Variants in KCNIP4 observed in about 807,000 individuals in gnomAD.
The protein encoded by KCNIP4 is Kv channel-interacting protein 4.
A neutral mutation model predicts 34.0 loss-of-function variants in KCNIP4; 12 were observed. That is an observed-to-expected ratio of 0.35 (90% CI 0.23 to 0.57). The LOEUF (loss-of-function observed/expected upper bound fraction) is 0.57. KCNIP4 is among the 20% of genes least tolerant of loss of function. KCNIP4 has a pLI of 0.83. For missense variants in KCNIP4, 238 were observed against 311.7 expected (o/e 0.76, Z 1.78); for synonymous variants, 124 against 102.2 (o/e 1.21, Z -1.29).
chr4:21,552,701 G>C (rs934694667), intron 1 of KCNIP4, among the ~76,000 whole-genome samples: 4 of 152,086 alleles, frequency 2.6e-5, no homozygotes, highest in Non-Finnish European at 5.9e-5. Flanking sequence ...TCACAGCAAA[G>C]CATATTTTTT....
At chr4:21,662,089 G>T (rs929466190) in intron 1 of KCNIP4, among the ~76,000 whole-genome samples, 3 of 152,092 alleles carry the variant, frequency 2.0e-5, no homozygotes, top group Non-Finnish European at 2.9e-5. Flanking sequence ...GGACAAAGGG[G>T]TATTTGCTTG....
At chr4:21,345,256 G>A (rs930151208) in intron 1 of KCNIP4, among the ~76,000 whole-genome samples, 1 of 152,038 alleles carries the variant, frequency 6.6e-6, no homozygotes, top group African/African-American at 2.4e-5. Flanking sequence ...TGAGGAACTG[G>A]GGTCGGTCCA....
At chr4:21,002,590 G>C (rs1738236575) in intron 1 of KCNIP4, among the ~76,000 whole-genome samples, 1 of 152,194 alleles carries the variant, frequency 6.6e-6, no homozygotes, top group African/African-American at 2.4e-5. Context: ...CAGCAATGCT[G>C]TTCGAAGTGT....
intron 1 of KCNIP4, among the ~76,000 whole-genome samples, chr4:20,953,270 G>C (rs913999290): frequency 6.6e-6 from 1 of 152,116 alleles, no homozygotes; most frequent in Non-Finnish European, 1.5e-5. Context: ...GAGTGGCTTC[G>C]TCACTGATTG....
intron 1 of KCNIP4, among the ~76,000 whole-genome samples, chr4:21,201,758 A>G (rs1343993896): frequency 6.6e-6 from 1 of 152,198 alleles, no homozygotes; most frequent in East Asian, 1.9e-4. Context: ...TTGGCCTCCC[A>G]AAATGCTGGG....
At chr4:21,455,832 TA>T (rs1560422934) in intron 1 of KCNIP4, among the ~76,000 whole-genome samples, 45 of 123,094 alleles carry the variant, frequency 3.7e-4, no homozygotes, top group African/African-American at 7.2e-4. Context: ...TATATATATA[TA>T]TATATATATA....
intron 1 of KCNIP4, among the ~76,000 whole-genome samples, chr4:21,075,089 T>C (rs1294435297): frequency 1.2e-4 from 18 of 152,190 alleles, no homozygotes; most frequent in Non-Finnish European, 5.9e-5. Flanking sequence ...AAGTGTGATG[T>C]GGTGCTGAGA....
intron 1 of KCNIP4, among the ~76,000 whole-genome samples, chr4:21,563,334 A>C (rs571794117): frequency 9.2e-5 from 14 of 152,258 alleles, no homozygotes; most frequent in African/African-American, 3.4e-4. Flanking sequence ...CATTGGAAGA[A>C]GAATCAGAAA....
At chr4:20,785,230 G>A (rs1046031796) in intron 3 of KCNIP4, among the ~76,000 whole-genome samples, 4 of 151,760 alleles carry the variant, frequency 2.6e-5, no homozygotes, top group East Asian at 1.9e-4. Context: ...TGGACTGGTA[G>A]GTAGGACCAA....
chr4:20,976,051 G>T (rs1048004695), intron 1 of KCNIP4, among the ~76,000 whole-genome samples: 5 of 152,158 alleles, frequency 3.3e-5, no homozygotes, highest in African/African-American at 1.2e-4. Context: ...GAAAAAGCTG[G>T]CTGGCCACTG....
rs201618635 is a variant in KCNIP4, at chr4:21,124,048, A to AG, written c.62-241340_62-241339insC. On this transcript the variant is annotated intron_variant, in intron 1 of 8. Coordinates refer to ENST00000382152, the MANE Select transcript of KCNIP4 (RefSeq NM_025221.6). ...GTAAAAAAACAAAAAAACAACAAAA[A>AG]AAAAACAACAAAAAAAACCTATATT... 8.1e-3 allele frequency among the ~76,000 whole-genome samples: 1,231 copies of AG among 151,896 alleles called. 17 individuals are homozygous for AG. Among genetic ancestry groups the AG allele is most frequent in the African/African-American group, 0.028 (1,168 of 41,356 alleles).
At chr4:20,730,995 AAAGT>A (rs1322644725) in intron 8 of KCNIP4, among the ~76,000 whole-genome samples, 4 of 152,346 alleles carry the variant, frequency 2.6e-5, no homozygotes, top group African/African-American at 9.6e-5. Flanking sequence ...GACATCCAGA[AAAGT>A]AAGAACAACA....
At chr4:21,712,324 C>T (rs1039206522) in intron 1 of KCNIP4, among the ~76,000 whole-genome samples, 2 of 152,240 alleles carry the variant, frequency 1.3e-5, no homozygotes, top group Non-Finnish European at 2.9e-5. Context: ...AATGAACTGG[C>T]GTTCTTGTAA....
chr4:20,835,460 T>TA (rs1252167535), intron 3 of KCNIP4, among the ~76,000 whole-genome samples: 12 of 152,014 alleles, frequency 7.9e-5, no homozygotes, highest in African/African-American at 2.9e-4. Context: ...TTATTATTAT[T>TA]TTAAAAAAAC....
At chr4:21,123,430 G>A (rs988836753) in intron 1 of KCNIP4, among the ~76,000 whole-genome samples, 3 of 152,028 alleles carry the variant, frequency 2.0e-5, no homozygotes, top group Non-Finnish European at 2.9e-5. Context: ...TAAAGACATG[G>A]TGGAGCATGG....
At chr4:21,182,075 A>G (rs1441660492) in intron 1 of KCNIP4, among the ~76,000 whole-genome samples, 1 of 152,166 alleles carries the variant, frequency 6.6e-6, no homozygotes, top group Non-Finnish European at 1.5e-5. Context: ...ATAAGTGGAC[A>G]TTCAGACCAA....
intron 1 of KCNIP4, among the ~76,000 whole-genome samples, chr4:21,262,227 A>T (rs532665043): frequency 5.9e-5 from 9 of 152,110 alleles, no homozygotes; most frequent in Non-Finnish European, 1.2e-4. Flanking sequence ...TTTTGATGTC[A>T]TCTCATCAGA....
At chr4:20,752,320 A>G (rs1348054467) in intron 4 of KCNIP4, among the ~76,000 whole-genome samples, 1 of 152,134 alleles carries the variant, frequency 6.6e-6, no homozygotes, top group Non-Finnish European at 1.5e-5. Flanking sequence ...CAGCCTCCCA[A>G]AGTGCTGGGA....
chr4:21,092,544 C>A (rs954360375), intron 1 of KCNIP4, among the ~76,000 whole-genome samples: 5 of 152,168 alleles, frequency 3.3e-5, no homozygotes, highest in Admixed American at 3.3e-4. Flanking sequence ...AAATGAGAGC[C>A]ATTTGTTTAA....
Sources: gnomAD v4.1 joint callset for allele counts (sites outside exome capture counted in the v4.1 genomes callset) on GRCh38, gnomAD v4.1.1 for gene constraint, MANE v1.5 for transcripts, NCBI Gene and HGNC (gene_info 2026-07-23, HGNC 2026-07-21) for gene names.